Variants in GRIA4 observed in about 807,000 individuals in gnomAD.
GRIA4 encodes the protein glutamate ionotropic receptor AMPA type subunit 4.
GRIA4 carries 34 observed loss-of-function variants against 104.0 expected under a neutral mutation model. That is an observed-to-expected ratio of 0.33 (90% confidence interval 0.25 to 0.44). The LOEUF (loss-of-function observed/expected upper bound fraction) is 0.44, where lower values mean the gene tolerates loss of function less well. Among genes scored for constraint, GRIA4 ranks in the 20% least tolerant of loss-of-function variants. The pLI is 1.00. For missense variants in GRIA4, 750 were observed against 1,096.5 expected (o/e 0.68, Z 4.46); for synonymous variants, 386 against 381.9 (o/e 1.01, Z -0.13).
intron 6 of GRIA4, among the ~76,000 whole-genome samples, chr11:105,891,940 G>A (rs1422107504): frequency 6.6e-6 from 1 of 152,006 alleles, no homozygotes; most frequent in East Asian, 1.9e-4. Flanking sequence ...CCCAGCTTAT[G>A]TTATTGTAAT....
chr11:105,613,537 A>C (rs192141409), intron 3 of GRIA4: 2 of 152,290 alleles, frequency 1.3e-5, no homozygotes, highest in African/African-American at 2.4e-5. Context: ...TTTTTATTTA[A>C]AATTCTTTCA....
chr11:105,918,981 C>A, intron 11 of GRIA4, 63 bp downstream of exon 11: 1 of 968,274 alleles, frequency 1.0e-6, no homozygotes, highest in Non-Finnish European at 1.7e-6. Context: ...TTCCCTTGGG[C>A]ACATAACAAT....
intron 10 of GRIA4, chr11:105,912,106 C>A: frequency 1.8e-6 from 2 of 1,097,926 alleles, no homozygotes; most frequent in East Asian, 1.0e-4. Context: ...TAATCTTCAT[C>A]TTTCTCAAGA....
At chr11:105,747,001 A>C (rs1233817915) in intron 3 of GRIA4, among the ~76,000 whole-genome samples, 1 of 152,118 alleles carries the variant, frequency 6.6e-6, no homozygotes, top group Non-Finnish European at 1.5e-5. Flanking sequence ...TAATCCTAAA[A>C]ACTTCCTGGC....
intron 4 of GRIA4, among the ~76,000 whole-genome samples, chr11:105,830,973 C>CAT (rs1943953181): frequency 6.6e-6 from 1 of 150,548 alleles, no homozygotes; most frequent in African/African-American, 2.5e-5. Flanking sequence ...CACACACGCA[C>CAT]ACACACACAC....
intron 3 of GRIA4, among the ~76,000 whole-genome samples, chr11:105,688,150 CTATATCTCTATCTA>C (rs1261595950): frequency 2.0e-5 from 1 of 50,116 alleles, no homozygotes; most frequent in African/African-American, 7.0e-5. Flanking sequence ...ATATCTATAT[CTATATCTCTATCTA>C]TCTATCTATC....
At chr11:105,645,332 A>G (rs1256042238) in intron 3 of GRIA4, among the ~76,000 whole-genome samples, 1 of 152,192 alleles carries the variant, frequency 6.6e-6, no homozygotes, top group Non-Finnish European at 1.5e-5. Flanking sequence ...GAGTCAACTG[A>G]TTTGAAAGGA....
At position 105,631,973 on chromosome 11, in the gene GRIA4, A is replaced by G. The variant is rs1004492978; in HGVS notation, c.247+19539A>G. Among the ~76,000 whole-genome samples, 7 of 152,316 alleles carry G rather than the reference A, an allele frequency of 4.6e-5. No individual in the cohort carries two copies. The South Asian group carries it at 6.2e-4, about 14-fold the overall frequency. ...AAACCCTAAGCTACAAAAAGGGATG[A>G]GGTGGCACAGGAAAGCATCTCATTG... On this transcript the variant is annotated intron_variant, in intron 3 of 16. Transcript: ENST00000282499.
At chr11:105,833,310 C>T (rs1944050953) in intron 4 of GRIA4, among the ~76,000 whole-genome samples, 1 of 151,974 alleles carries the variant, frequency 6.6e-6, no homozygotes, top group Non-Finnish European at 1.5e-5. Flanking sequence ...CTCATACGTA[C>T]ACATGTATAT....
chr11:105,666,976 G>A (rs1952185243), intron 3 of GRIA4, among the ~76,000 whole-genome samples: 1 of 151,718 alleles, frequency 6.6e-6, no homozygotes, highest in African/African-American at 2.4e-5. Flanking sequence ...ATCTTCATTT[G>A]TTCTTGTGGA....
chr11:105,823,830 A>G (rs974223964), intron 4 of GRIA4, among the ~76,000 whole-genome samples: 4 of 151,954 alleles, frequency 2.6e-5, no homozygotes, highest in Non-Finnish European at 4.4e-5. Context: ...TGTAAGCCTA[A>G]CCCCCCGTAC....
chr11:105,861,154 T>C (rs369078701), intron 4 of GRIA4, among the ~76,000 whole-genome samples: 13 of 152,116 alleles, frequency 8.5e-5, no homozygotes, highest in African/African-American at 2.9e-4. Flanking sequence ...GTGAAGACCA[T>C]TCATTTTATT....
chr11:105,901,561 A>C (rs671215), intron 7 of GRIA4, among the ~76,000 whole-genome samples: 1 of 152,222 alleles, frequency 6.6e-6, no homozygotes, highest in Non-Finnish European at 1.5e-5. Flanking sequence ...ATTATAGCAC[A>C]ATAAGACACA....
chr11:105,837,866 G>C (rs1414904541), intron 4 of GRIA4, among the ~76,000 whole-genome samples: 2 of 152,060 alleles, frequency 1.3e-5, no homozygotes, highest in Non-Finnish European at 2.9e-5. Context: ...GTAGTGCTAG[G>C]TGAGGAAACA....
At chr11:105,622,182 T>C (rs1314501145) in intron 3 of GRIA4, among the ~76,000 whole-genome samples, 2 of 151,920 alleles carry the variant, frequency 1.3e-5, no homozygotes, top group African/African-American at 4.8e-5. Flanking sequence ...GTGACTCATT[T>C]TCTTTATGGC....
chr11:105,840,465 T>C (rs536921983), intron 4 of GRIA4, among the ~76,000 whole-genome samples: 6 of 152,344 alleles, frequency 3.9e-5, no homozygotes, highest in African/African-American at 1.2e-4. Flanking sequence ...TCATGGGAAC[T>C]TTATAATATG....
chr11:105,896,760 T>A (rs1591413708), intron 6 of GRIA4, among the ~76,000 whole-genome samples: 1 of 152,154 alleles, frequency 6.6e-6, no homozygotes, highest in Admixed American at 6.5e-5. Context: ...TTGTGTTCCA[T>A]TGATCTGTGT....
intron 14 of GRIA4, among the ~76,000 whole-genome samples, chr11:105,937,639 C>A (rs548208392): frequency 6.6e-6 from 1 of 152,072 alleles, no homozygotes; most frequent in South Asian, 2.1e-4. Flanking sequence ...ATGTTTGAAG[C>A]CAAGTTAAAA....
chr11:105,817,940 C>A (rs1443536320), intron 4 of GRIA4, among the ~76,000 whole-genome samples: 1 of 151,960 alleles, frequency 6.6e-6, no homozygotes, highest in Admixed American at 6.6e-5. Context: ...AAGCAAGCAC[C>A]TACACAAAGC....
Sources: allele counts gnomAD v4.1 joint callset (sites outside exome capture counted in the v4.1 genomes callset), GRCh38; gene constraint gnomAD v4.1.1; transcripts MANE v1.5; gene names NCBI Gene and HGNC (gene_info 2026-07-23, HGNC 2026-07-21).